Variants in CACNA2D3 observed in about 807,000 individuals in gnomAD.
CACNA2D3 encodes the protein voltage-dependent calcium channel subunit alpha-2/delta-3.
Under a neutral mutation model 160.6 loss-of-function variants are expected in CACNA2D3, and 60 were observed. The observed-to-expected ratio is 0.37, with a 90% CI of 0.30 to 0.46. CACNA2D3 has a LOEUF of 0.46. Among genes scored for constraint, CACNA2D3 ranks in the 20% least tolerant of loss-of-function variants. CACNA2D3 has a pLI of 1.00. For synonymous variants in CACNA2D3, 558 were observed against 492.9 expected, an observed-to-expected ratio of 1.13 and a Z score of -1.75; for missense variants, 1,205 against 1,365.0, an observed-to-expected ratio of 0.88 and a Z score of 1.85.
At chr3:54,369,065 A>G (rs1280712038) in intron 3 of CACNA2D3, among the ~76,000 whole-genome samples, 4 of 151,992 alleles carry the variant, frequency 2.6e-5, no homozygotes, top group Admixed American at 1.3e-4. Flanking sequence ...CAATCCCCCC[A>G]AATAGTGAAA....
intron 10 of CACNA2D3, chr3:54,638,625 G>A (rs557585004): frequency 1.3e-5 from 2 of 152,028 alleles, no homozygotes; most frequent in East Asian, 3.9e-4. Context: ...TGAGGGGACA[G>A]GCGGGAGGGA....
chr3:55,069,816 T>A (rs367705911), intron 35 of CACNA2D3, among the ~76,000 whole-genome samples: 40 of 152,320 alleles, frequency 2.6e-4, no homozygotes, highest in African/African-American at 9.4e-4. Flanking sequence ...AGGCGTGTTT[T>A]CTCTTAAGTT....
intron 12 of CACNA2D3, among the ~76,000 whole-genome samples, chr3:54,756,107 A>C (rs1401135332): frequency 6.6e-6 from 1 of 152,230 alleles, no homozygotes; most frequent in Non-Finnish European, 1.5e-5. Context: ...AGTTCTGAGT[A>C]CAGCAGTGCA....
intron 14 of CACNA2D3, among the ~76,000 whole-genome samples, chr3:54,825,912 T>C (rs920393523): frequency 1.3e-5 from 2 of 152,178 alleles, no homozygotes; most frequent in African/African-American, 4.8e-5. Flanking sequence ...GTGGAAGATA[T>C]ACTAGATTAA....
intron 27 of CACNA2D3, among the ~76,000 whole-genome samples, chr3:54,903,042 G>T (rs1465912962): frequency 2.6e-5 from 4 of 152,240 alleles, no homozygotes; most frequent in Non-Finnish European, 4.4e-5. Context: ...ACCACAGAAT[G>T]AGTAATTTTT....
intron 11 of CACNA2D3, among the ~76,000 whole-genome samples, chr3:54,650,063 T>G (rs1175411516): frequency 1.3e-5 from 2 of 152,242 alleles, no homozygotes; most frequent in Non-Finnish European, 2.9e-5. Context: ...TGGTTGTGTT[T>G]TGAGCCACAG....
intron 8 of CACNA2D3, among the ~76,000 whole-genome samples, chr3:54,573,257 G>C (rs1702529428): frequency 6.6e-6 from 1 of 152,062 alleles, no homozygotes; most frequent in African/African-American, 2.4e-5. Context: ...TCCTCTAATG[G>C]ATAAGAGAAT....
chr3:54,336,199 C>T (rs1216314660), intron 3 of CACNA2D3, among the ~76,000 whole-genome samples: 1 of 152,082 alleles, frequency 6.6e-6, no homozygotes, highest in East Asian at 1.9e-4. Context: ...CCCTCCTGCT[C>T]TGCACAGCCT....
intron 27 of CACNA2D3, among the ~76,000 whole-genome samples, chr3:54,940,242 A>C (rs1020027108): frequency 3.9e-5 from 6 of 152,320 alleles, no homozygotes; most frequent in Admixed American, 3.3e-4. Context: ...AGCTCTTGGA[A>C]GACTGCAACT....
intron 4 of CACNA2D3, among the ~76,000 whole-genome samples, chr3:54,469,139 C>A (rs1261684606): frequency 2.6e-5 from 4 of 152,198 alleles, no homozygotes; most frequent in African/African-American, 9.6e-5. Context: ...TGGGAGACAC[C>A]TCCCAGCAAG....
chr3:54,577,490 A>G (rs556665876), intron 8 of CACNA2D3, among the ~76,000 whole-genome samples: 1 of 152,262 alleles, frequency 6.6e-6, no homozygotes, highest in Admixed American at 6.5e-5. Context: ...AAGGCCAAGG[A>G]CACATGCCCC....
At chr3:54,284,768 T>C (rs947195414) in intron 2 of CACNA2D3, among the ~76,000 whole-genome samples, 2 of 152,202 alleles carry the variant, frequency 1.3e-5, no homozygotes, top group Admixed American at 1.3e-4. Flanking sequence ...CGGATATTCA[T>C]TGCAGCATTG....
chr3:54,261,692 T>C (rs1437539765), intron 2 of CACNA2D3, among the ~76,000 whole-genome samples: 3 of 152,192 alleles, frequency 2.0e-5, no homozygotes, highest in Admixed American at 6.5e-5. Flanking sequence ...ACCCTTAGCA[T>C]TGGCAGCTTA....
chr3:54,774,627 C>CTCT (rs1247207741), intron 13 of CACNA2D3, among the ~76,000 whole-genome samples: 1 of 114,246 alleles, frequency 8.8e-6, no homozygotes, highest in African/African-American at 3.2e-5. Flanking sequence ...TGCTCTTTGA[C>CTCT]TATTTTTTTT....
chr3:54,530,780 T>A (rs924332296), intron 5 of CACNA2D3, among the ~76,000 whole-genome samples: 1 of 152,158 alleles, frequency 6.6e-6, no homozygotes, highest in Non-Finnish European at 1.5e-5. Context: ...CTCAACCATA[T>A]GCAATATTGC....
chr3:55,035,799 C>A (rs942530022), intron 35 of CACNA2D3, among the ~76,000 whole-genome samples: 15 of 152,164 alleles, frequency 9.9e-5, no homozygotes, highest in African/African-American at 2.9e-4. Flanking sequence ...CTTGAATGGT[C>A]AGGGTATTTA....
chr3:54,235,156 A>G (rs1701849799), intron 2 of CACNA2D3, among the ~76,000 whole-genome samples: 1 of 152,190 alleles, frequency 6.6e-6, no homozygotes, highest in South Asian at 2.1e-4. Flanking sequence ...AGTGTCCTAA[A>G]GTAAAGATGT....
At chr3:54,351,156 A>G (rs1169886704) in intron 3 of CACNA2D3, among the ~76,000 whole-genome samples, 2 of 150,884 alleles carry the variant, frequency 1.3e-5, no homozygotes, top group Non-Finnish European at 3.0e-5. Context: ...TAATTTTTGT[A>G]CTTTTACTAG....
At chr3:54,248,328 A>T (rs528216668) in intron 2 of CACNA2D3, among the ~76,000 whole-genome samples, 17 of 151,950 alleles carry the variant, frequency 1.1e-4, no homozygotes, top group Non-Finnish European at 4.4e-5. Flanking sequence ...TAAAAATACA[A>T]AAATTAGCCG....
Sources: gnomAD v4.1 joint callset for allele counts (sites outside exome capture counted in the v4.1 genomes callset) on GRCh38, gnomAD v4.1.1 for gene constraint, MANE v1.5 for transcripts, NCBI Gene and HGNC (gene_info 2026-07-23, HGNC 2026-07-21) for gene names.